The following COQ3 variants were observed in gnomAD, a reference collection of about 807,000 sequenced individuals.
COQ3 encodes ubiquinone biosynthesis O-methyltransferase, mitochondrial.
In COQ3, 29 loss-of-function variants were observed where a neutral mutation model predicts 33.1. That is an observed-to-expected ratio of 0.88 (90% CI 0.65 to 1.19). COQ3 has a LOEUF of 1.19. Among genes scored for constraint, COQ3 ranks in the 50% most tolerant of loss-of-function variants. The pLI is 0.00. For missense variants in COQ3, 437 were observed against 430.7 expected (o/e 1.01, Z -0.13); for synonymous variants, 173 against 157.8 (o/e 1.10, Z -0.72).
At chr6:99,379,866 AT>A (rs915140814) in intron 3 of COQ3, among the ~76,000 whole-genome samples, 1 of 151,782 alleles carries the variant, frequency 6.6e-6, no homozygotes, top group East Asian at 1.9e-4. Flanking sequence ...AAAAAAAAAA[AT>A]AATTAAATAA....
intron 3 of COQ3, among the ~76,000 whole-genome samples, chr6:99,379,659 A>G (rs1175001712): frequency 2.0e-5 from 3 of 152,156 alleles, no homozygotes; most frequent in Non-Finnish European, 4.4e-5. Flanking sequence ...GCTTGAGATC[A>G]GCCTGGCCAA....
At chr6:99,370,955 A>T (rs190019798) in intron 6 of COQ3, among the ~76,000 whole-genome samples, 4 of 151,248 alleles carry the variant, frequency 2.6e-5, no homozygotes, top group African/African-American at 9.9e-5. Flanking sequence ...TACAGGCCAT[A>T]AAAGGATGAA....
intron 2 of COQ3, among the ~76,000 whole-genome samples, chr6:99,382,856 G>A (rs1232838531): frequency 6.6e-6 from 1 of 152,122 alleles, no homozygotes; most frequent in East Asian, 1.9e-4. Flanking sequence ...AGGAGACTGA[G>A]GCAGGAGAAG....
chr6:99,370,315 T>C (rs1036041504), intron 6 of COQ3, among the ~76,000 whole-genome samples: 1 of 151,156 alleles, frequency 6.6e-6, no homozygotes, highest in African/African-American at 2.4e-5. Flanking sequence ...TTTCCTACTT[T>C]CTTTTCTTTC....
Position 99,376,008 on chromosome 6 carries a change from C to G in COQ3, c.661G>C (p.Ala221Pro). The G allele has an allele frequency of 6.2e-7, 1 of 1,614,070 alleles. No homozygotes were observed. The highest frequency in any genetic ancestry group is 8.5e-7 in the Non-Finnish European group (1 of 1,179,948). Residue 221 changes from alanine to proline, a missense_variant, in exon 5 of 7, where the codon GCT becomes CCT. Ala to Pro is a conservative substitution (Grantham distance 27). Coordinates refer to ENST00000254759, the MANE Select transcript of COQ3 (RefSeq NM_017421.4). ...ETAETFDAVV[A>P]SEVVEHVIDL... ...ATCACATGTTCTACAACTTCAGAAG[C>G]TACAACAGCATCAAATGTTTCTGCA...
chr6:99,382,040 G>C (rs931257644), intron 2 of COQ3, among the ~76,000 whole-genome samples: 11 of 151,852 alleles, frequency 7.2e-5, no homozygotes, highest in African/African-American at 2.4e-4. Flanking sequence ...ATGGGGCTAT[G>C]TGATTATCTG....
rs571553457 is a variant in COQ3, at chr6:99,372,461, A to G, written c.730-874T>C. ...GAGACACAGTCTTGCTCTGTCGCCC[A>G]GGGTAGAGCACAGTGGCATGATCTC... On this transcript the variant is annotated intron_variant, in intron 5 of 6. Coordinates refer to ENST00000254759, the MANE Select transcript of COQ3 (RefSeq NM_017421.4). Among the ~76,000 whole-genome samples the G allele has an allele frequency of 5.3e-5, 8 of 152,024 alleles. No individual in the cohort carries two copies. The South Asian group carries it at 1.2e-3, about 24-fold the overall frequency.
intron 5 of COQ3, among the ~76,000 whole-genome samples, chr6:99,372,153 CAGCACTTTGAG>C (rs1774160983): frequency 6.6e-6 from 1 of 151,992 alleles, no homozygotes. Context: ...ACTGTATTCC[CAGCACTTTGAG>C]AGGCTAAGGC....
intron 6 of COQ3, 74 bp from the exon 7 acceptor site, chr6:99,369,894 C>A: frequency 1.0e-6 from 1 of 964,682 alleles, no homozygotes; most frequent in Non-Finnish European, 1.6e-6. Flanking sequence ...TTTCATGCAA[C>A]TTTCTATATT....
At position 99,371,584 on chromosome 6, in the gene COQ3, C is replaced by T. The variant is rs551068346; in HGVS notation, c.733G>A (p.Gly245Ser). The change falls in exon 6 of 7, where the codon GGT becomes AGT. Residue 245 changes from glycine (G) to serine (S), a missense_variant. Gly to Ser is a moderately conservative substitution (Grantham distance 56, BLOSUM62 0). Transcript: ENST00000254759. ...LQCCCQVLKP[G>S]GSLFITTINK... ...ATTGTAGTAATGAATAAAGAACCAC[C>T]GGGCTAAAAGAAATGAAATTATATA... The T allele has an allele frequency of 1.5e-5, 24 of 1,584,286 alleles. No homozygotes were observed. The highest frequency in any genetic ancestry group is 6.8e-5 in the East Asian group (3 of 43,988).
chr6:99,370,521 G>A (rs1376608039), intron 6 of COQ3, among the ~76,000 whole-genome samples: 2 of 151,506 alleles, frequency 1.3e-5, no homozygotes, highest in African/African-American at 2.4e-5. Context: ...GCTAATTTTT[G>A]TATTTTTAGT....
intron 5 of COQ3, 104 bp from the exon 6 acceptor site, chr6:99,371,691 A>T (rs374493939): frequency 1.4e-6 from 1 of 736,630 alleles, no homozygotes; most frequent in African/African-American, 1.8e-5. Context: ...AAATAATCTG[A>T]GTGCCATTAA....
intron 2 of COQ3, 109 bp from the exon 3 acceptor site, chr6:99,380,450 A>G: frequency 8.6e-7 from 1 of 1,161,964 alleles, no homozygotes. Flanking sequence ...TATATTCTAA[A>G]TCTGTATACT....
chr6:99,389,940 C>G (rs1363747371), intron 1 of COQ3, among the ~76,000 whole-genome samples: 1 of 152,062 alleles, frequency 6.6e-6, no homozygotes, highest in East Asian at 1.9e-4. Context: ...ATGGCATTAG[C>G]CCGTCTCTAC....
intron 5 of COQ3, among the ~76,000 whole-genome samples, chr6:99,371,834 A>G (rs897126932): frequency 6.6e-6 from 1 of 152,194 alleles, no homozygotes; most frequent in African/African-American, 2.4e-5. Context: ...AAGATCATAT[A>G]TAATTATGAT....
At chr6:99,370,412 A>T (rs1774105515) in intron 6 of COQ3, among the ~76,000 whole-genome samples, 1 of 134,042 alleles carries the variant, frequency 7.5e-6, no homozygotes, top group Non-Finnish European at 1.5e-5. Flanking sequence ...GCAGTGGCAC[A>T]ATCTTGACTC....
intron 5 of COQ3, among the ~76,000 whole-genome samples, chr6:99,374,000 T>C (rs954845842): frequency 6.6e-6 from 1 of 151,610 alleles, no homozygotes; most frequent in Non-Finnish European, 1.5e-5. Flanking sequence ...GAGTAAGACC[T>C]TGTCAAGAAA....
chr6:99,380,104 G>A, intron 3 of COQ3, 85 bp downstream of exon 3: 1 of 1,283,666 alleles, frequency 7.8e-7, no homozygotes, highest in Non-Finnish European at 1.1e-6. Flanking sequence ...TTTTTAACTA[G>A]GTATAAACTA....
rs78376478 is a variant in COQ3 at position 99,390,334 on chromosome 6, CTT to C, written c.106+3738_106+3739del. 3.4e-3 allele frequency among the ~76,000 whole-genome samples: 368 copies of C among 107,282 alleles called. 2 individuals are homozygous for C. Among genetic ancestry groups the C allele is most frequent in the African/African-American group, 7.6e-3 (228 of 30,020 alleles). The allele number at this position is 107,282 out of a possible 152,430, so 70.4% of individuals were successfully genotyped here. A position where few individuals can be genotyped will look rare whatever the true frequency, so the allele number is the denominator to read the frequency against. Reference sequence around the variant, plus strand: ...ACACTGTCACCCATACAATGTTAAACTTTTTTTTTTTTTTTTTGAGACGGAGT... The same window carrying C: ...ACACTGTCACCCATACAATGTTAAACTTTTTTTTTTTTTTTGAGACGGAGT... On this transcript the variant is annotated intron_variant, in intron 1 of 6. Coordinates refer to ENST00000254759, the MANE Select transcript of COQ3 (RefSeq NM_017421.4).
Sources: allele counts gnomAD v4.1 joint callset (sites outside exome capture counted in the v4.1 genomes callset), GRCh38; gene constraint gnomAD v4.1.1; transcripts MANE v1.5; gene names NCBI Gene and HGNC (gene_info 2026-07-23, HGNC 2026-07-21).